Variants in GSN observed in about 807,000 individuals in gnomAD.
GSN encodes the protein gelsolin, also known as actin-depolymerizing factor.
A neutral mutation model predicts 85.7 loss-of-function variants in GSN; 56 were observed. That is an observed-to-expected ratio of 0.65 (90% CI 0.53 to 0.82). The LOEUF (loss-of-function observed/expected upper bound fraction) is 0.82. Among genes scored for constraint, GSN ranks in the 40% least tolerant of loss-of-function variants. The pLI, the probability that GSN is intolerant of heterozygous loss-of-function variation, is 0.00. For missense variants in GSN, 857 were observed against 979.8 expected, an observed-to-expected ratio of 0.87 and a Z score of 1.67; for synonymous variants, 373 against 399.1, an observed-to-expected ratio of 0.93 and a Z score of 0.78.
Position 121,313,618 on chromosome 9 carries a change from G to C in GSN, c.664-316G>C, listed in dbSNP as rs529399674. ...CGAGGATGCAGTGACATCTTTTAAAGGTAGGCGGTAGAAGGTGTTCAGTAG... is the reference window on the plus strand; with the variant it reads ...CGAGGATGCAGTGACATCTTTTAAACGTAGGCGGTAGAAGGTGTTCAGTAG... On this transcript the variant is annotated intron_variant, in intron 6 of 17. Transcript: ENST00000432226. 5 of 416,546 alleles carry C rather than the reference G, an allele frequency of 1.2e-5. No homozygotes were observed. The East Asian group carries it at 2.0e-4, about 17-fold the overall frequency. The allele number at this position is 416,546 out of a possible 1,614,324, so 25.8% of individuals were successfully genotyped here. A position where few individuals can be genotyped will look rare whatever the true frequency, so the allele number is the denominator to read the frequency against.
chr9:121,261,313 C>T lies in GSN; in HGVS notation c.-340-3841C>T, dbSNP rs1405149308. 6.6e-6 allele frequency among the ~76,000 whole-genome samples: 1 copy of T among 152,266 alleles called. No homozygotes were observed. The highest frequency in any genetic ancestry group is 1.9e-4 in the East Asian group (1 of 5,198). ...GGCTGTGGGCCCCTGTGCCCCTCCACAGGAAACGTCTTGATTTTGCTCCAA... is the reference window on the plus strand; with the variant it reads ...GGCTGTGGGCCCCTGTGCCCCTCCATAGGAAACGTCTTGATTTTGCTCCAA... On this transcript the variant is annotated intron_variant, in intron 6 of 24. Transcript: ENST00000373823. This position sits in a 1 kb window ranked among gnomAD's most constrained non-coding sequence, Gnocchi z 4.1.
chr9:121,248,553 A>C (rs1379863749), intron 6 of GSN, among the ~76,000 whole-genome samples: 2 of 152,174 alleles, frequency 1.3e-5, no homozygotes, highest in African/African-American at 4.8e-5. Context: ...GGGGGTTTGA[A>C]AATACATGAG....
intron 4 of GSN, among the ~76,000 whole-genome samples, chr9:121,307,738 G>A (rs1332029031): frequency 6.6e-6 from 1 of 152,210 alleles, no homozygotes; most frequent in Non-Finnish European, 1.5e-5. Context: ...TTTCAGGTAA[G>A]CACAGCTGAG....
At position 121,302,899 on chromosome 9, in the gene GSN, G is replaced by T; in HGVS notation, c.197-12G>T. On this transcript the variant is annotated splice_polypyrimidine_tract_variant and intron_variant, in intron 3 of 17. Coordinates refer to ENST00000432226, the MANE Select transcript of GSN (RefSeq NM_198252.3). ...TGGAAAGCCAGGCTCATATTGCTCT[G>T]ATGTCCCGTAGGCAATGAGTGCAGC... The T allele has an allele frequency of 1.9e-6, 3 of 1,613,270 alleles. No homozygotes were observed. The highest frequency in any genetic ancestry group is 2.5e-6 in the Non-Finnish European group (3 of 1,179,936).
At chr9:121,316,215 A>G (rs1395173125) in intron 7 of GSN, among the ~76,000 whole-genome samples, 2 of 152,206 alleles carry the variant, frequency 1.3e-5, no homozygotes, top group Non-Finnish European at 2.9e-5. Flanking sequence ...TTTTTATTTT[A>G]GAATAATTTT....
chr9:121,255,473 T>A (rs528039440), intron 6 of GSN, among the ~76,000 whole-genome samples: 1 of 152,314 alleles, frequency 6.6e-6, no homozygotes, highest in East Asian at 1.9e-4. Flanking sequence ...TGGCCTCAAG[T>A]GGTCCTCCCA....
chr9:121,312,560 A>G (rs2061285496), intron 6 of GSN, 72 bp downstream of exon 6: 1 of 1,121,238 alleles, frequency 8.9e-7, no homozygotes, highest in Middle Eastern at 2.8e-4. Context: ...TCAGTAGGCA[A>G]TTTGAGGTGA....
At chr9:121,223,670 A>G (rs2054215069) in intron 4 of GSN, among the ~76,000 whole-genome samples, 1 of 151,888 alleles carries the variant, frequency 6.6e-6, no homozygotes, top group Non-Finnish European at 1.5e-5. Context: ...TATTATTATT[A>G]TTATTTTGAG....
chr9:121,324,690 C>G (rs1446629135), intron 12 of GSN, 46 bp downstream of exon 12: 1 of 920,244 alleles, frequency 1.1e-6, no homozygotes, highest in Admixed American at 2.0e-5. Context: ...TGAGCCTTGT[C>G]CTTCTCTTCA....
At position 121,326,449 on chromosome 9, in the gene GSN, C is replaced by T. The variant is rs187772793; in HGVS notation, c.1417-63C>T. ...TTCGTCTGGAGGGATGGGCCCAGTGCGACATAGAAGGACTGAAGCCTGCCC... is the reference window on the plus strand; with the variant it reads ...TTCGTCTGGAGGGATGGGCCCAGTGTGACATAGAAGGACTGAAGCCTGCCC... On this transcript the variant is annotated intron_variant, in intron 12 of 17. Coordinates refer to ENST00000432226, the MANE Select transcript of GSN (RefSeq NM_198252.3). 2.9e-4 allele frequency: 400 copies of T among 1,368,746 alleles called. 1 individual carries two copies. The African/African-American group carries it at 4.9e-3, about 17-fold the overall frequency. The allele number at this position is 1,368,746 out of a possible 1,614,324, so 84.8% of individuals were successfully genotyped here. A position where few individuals can be genotyped will look rare whatever the true frequency, so the allele number is the denominator to read the frequency against.
intron 2 of GSN, among the ~76,000 whole-genome samples, chr9:121,289,122 A>G (rs1078305): frequency 0.7 from 106,363 of 151,962 alleles, 37,500 homozygotes; most frequent in East Asian, 0.82. Flanking sequence ...AGCAAGCAAC[A>G]GCAGGAACCA....
intron 5 of GSN, among the ~76,000 whole-genome samples, chr9:121,235,825 C>CTTTG (rs2054481847): frequency 6.6e-6 from 1 of 152,216 alleles, no homozygotes; most frequent in Non-Finnish European, 1.5e-5. Context: ...TCTAGGGGGA[C>CTTTG]AGCCATGTGC....
upstream of GSN, among the ~76,000 whole-genome samples, chr9:121,263,615 G>C (rs1036493028): frequency 6.6e-6 from 1 of 152,114 alleles, no homozygotes; most frequent in Non-Finnish European, 1.5e-5. Flanking sequence ...TCTCGGCTGG[G>C]CAAGATGGCT....
chr9:121,204,880 A>G (rs1047867475), upstream of GSN, among the ~76,000 whole-genome samples: 1 of 152,228 alleles, frequency 6.6e-6, no homozygotes, highest in Non-Finnish European at 1.5e-5. Context: ...CAGAAAACTA[A>G]ATAGTATGCC....
intron 2 of GSN, among the ~76,000 whole-genome samples, chr9:121,289,265 G>A (rs916050683): frequency 3.3e-5 from 5 of 151,530 alleles, no homozygotes; most frequent in African/African-American, 7.3e-5. Context: ...GTAACCCCCC[G>A]CCATCCCATC....
At chr9:121,213,170 C>A (rs2053998407) in intron 4 of GSN, among the ~76,000 whole-genome samples, 1 of 152,160 alleles carries the variant, frequency 6.6e-6, no homozygotes, top group Admixed American at 6.5e-5. Flanking sequence ...GTTATAAAAT[C>A]AGAAACAAAA....
chr9:121,201,822 T>G, the GSN span: 4 of 152,326 alleles, frequency 2.6e-5, no homozygotes, highest in African/African-American at 9.7e-5. Context: ...GTGGCAGCGG[T>G]GACTGCTCCT....
intron 4 of GSN, among the ~76,000 whole-genome samples, chr9:121,218,873 T>C (rs183909772): frequency 1.8e-4 from 28 of 152,312 alleles, no homozygotes; most frequent in Admixed American, 1.8e-3. Context: ...TGTGAGAGTT[T>C]AGCCTAAGTG....
intron 4 of GSN, among the ~76,000 whole-genome samples, chr9:121,306,537 G>C (rs908869035): frequency 2.0e-5 from 3 of 152,090 alleles, no homozygotes; most frequent in Admixed American, 1.3e-4. Flanking sequence ...CTGTCTCTCT[G>C]AACGTATATA....
Sources: gnomAD v4.1 joint callset for allele counts (sites outside exome capture counted in the v4.1 genomes callset) on GRCh38, gnomAD v4.1.1 for gene constraint, Gnocchi (gnomAD v3.1) non-coding constraint, MANE v1.5 for transcripts, NCBI Gene and HGNC (gene_info 2026-07-23, HGNC 2026-07-21) for gene names.